PHLPP1: variants seen among roughly 807,000 people sequenced by gnomAD.
The protein encoded by PHLPP1 is PH domain leucine-rich repeat-containing protein phosphatase 1.
Under a neutral mutation model 117.2 loss-of-function variants are expected in PHLPP1, and 42 were observed. The observed-to-expected ratio is 0.36, with a 90% CI of 0.28 to 0.46. The LOEUF (loss-of-function observed/expected upper bound fraction) is 0.46, where lower values mean the gene tolerates loss of function less well. PHLPP1 is among the 20% of genes least tolerant of loss of function. The pLI is 1.00. For missense variants in PHLPP1, 2,084 were observed against 2,241.9 expected, an observed-to-expected ratio of 0.93 and a Z score of 1.42; for synonymous variants, 1,042 against 970.7, an observed-to-expected ratio of 1.07 and a Z score of -1.37.
chr18:62,893,533 A>G (rs1172926069), intron 4 of PHLPP1, among the ~76,000 whole-genome samples: 1 of 152,252 alleles, frequency 6.6e-6, no homozygotes, highest in Non-Finnish European at 1.5e-5. Context: ...TCAACCTGTC[A>G]AATAGGTACA....
intron 4 of PHLPP1, among the ~76,000 whole-genome samples, chr18:62,892,647 C>T (rs1411841957): frequency 4.6e-5 from 7 of 151,654 alleles, no homozygotes; most frequent in South Asian, 2.1e-4. Flanking sequence ...GAGGCTGAGG[C>T]GGGCGGATCA....
intron 1 of PHLPP1, among the ~76,000 whole-genome samples, chr18:62,823,265 A>G (rs1459889631): frequency 6.6e-6 from 1 of 152,168 alleles, no homozygotes; most frequent in African/African-American, 2.4e-5. Context: ...AATATTTGCA[A>G]GTCATATATT....
chr18:62,810,097 G>A (rs1271465000), intron 1 of PHLPP1, among the ~76,000 whole-genome samples: 1 of 152,168 alleles, frequency 6.6e-6, no homozygotes, highest in African/African-American at 2.4e-5. Context: ...GAGCTGAAGT[G>A]GTAACACTGG....
At chr18:62,894,137 TAAG>T (rs976227338) in intron 4 of PHLPP1, among the ~76,000 whole-genome samples, 11 of 152,186 alleles carry the variant, frequency 7.2e-5, no homozygotes, top group African/African-American at 2.7e-4. Flanking sequence ...TTAAGAGAGC[TAAG>T]AAGAAGGGTG....
chr18:62,892,079 T>C (rs997226757), intron 4 of PHLPP1, among the ~76,000 whole-genome samples: 4 of 123,248 alleles, frequency 3.2e-5, no homozygotes, highest in Non-Finnish European at 6.8e-5. Context: ...TCTTTCTTTC[T>C]TTCTTTTTTT....
intron 1 of PHLPP1, among the ~76,000 whole-genome samples, chr18:62,784,622 T>A (rs1477773705): frequency 6.6e-6 from 1 of 152,280 alleles, no homozygotes; most frequent in Admixed American, 6.5e-5. Context: ...TTATCACTAA[T>A]AAAACCTCAT....
chr18:62,860,982 A>G (rs1428639157), intron 4 of PHLPP1, among the ~76,000 whole-genome samples: 1 of 152,162 alleles, frequency 6.6e-6, no homozygotes, highest in African/African-American at 2.4e-5. Flanking sequence ...ATGAAAGGTC[A>G]TTTTTTCCCA....
chr18:62,868,760 T>C (rs1271102283), intron 4 of PHLPP1, among the ~76,000 whole-genome samples: 1 of 151,916 alleles, frequency 6.6e-6, no homozygotes, highest in Non-Finnish European at 1.5e-5. Flanking sequence ...ATCAGAAAAA[T>C]AATTGCAAAG....
At chr18:62,976,021 T>G (rs1911175833) in intron 16 of PHLPP1, among the ~76,000 whole-genome samples, 1 of 152,208 alleles carries the variant, frequency 6.6e-6, no homozygotes, top group Non-Finnish European at 1.5e-5. Flanking sequence ...GTGGGAATAA[T>G]CATGCATCTG....
intron 1 of PHLPP1, among the ~76,000 whole-genome samples, chr18:62,808,662 C>T: frequency 6.6e-6 from 1 of 151,916 alleles, no homozygotes; most frequent in Admixed American, 6.6e-5. Context: ...AGCGATTCTC[C>T]TGCCTCAGCC....
At chr18:62,720,341 A>C (rs1238878371) in intron 1 of PHLPP1, among the ~76,000 whole-genome samples, 1 of 152,164 alleles carries the variant, frequency 6.6e-6, no homozygotes, top group African/African-American at 2.4e-5. Context: ...CTTAGATCTG[A>C]GTAGTCTAGC....
At chr18:62,777,057 AT>A (rs1912981389) in intron 1 of PHLPP1, among the ~76,000 whole-genome samples, 1 of 152,148 alleles carries the variant, frequency 6.6e-6, no homozygotes, top group African/African-American at 2.4e-5. Flanking sequence ...ACATGTTTTC[AT>A]TTTTGGGGGG....
intron 15 of PHLPP1, among the ~76,000 whole-genome samples, chr18:62,973,226 A>T (rs1911100995): frequency 6.6e-6 from 1 of 152,232 alleles, no homozygotes; most frequent in Non-Finnish European, 1.5e-5. Context: ...CCTTTATTAA[A>T]TGTTCAAGAC....
At chr18:62,976,426 A>C (rs1911189152) in intron 16 of PHLPP1, among the ~76,000 whole-genome samples, 1 of 152,246 alleles carries the variant, frequency 6.6e-6, no homozygotes, top group South Asian at 2.1e-4. Flanking sequence ...CAATGCAAAC[A>C]AAAGCAGGGA....
chr18:62,825,681 T>A (rs1192997339), intron 1 of PHLPP1, among the ~76,000 whole-genome samples: 5 of 151,936 alleles, frequency 3.3e-5, no homozygotes, highest in African/African-American at 1.2e-4. Context: ...CTTGAACTCC[T>A]GAGCTCAAGC....
chr18:62,912,304 A>T (rs1204035667), intron 8 of PHLPP1, among the ~76,000 whole-genome samples: 1 of 44,398 alleles, frequency 2.3e-5, no homozygotes, highest in Non-Finnish European at 5.9e-5. Flanking sequence ...GAGTATAATA[A>T]AAAAAAAAAA....
chr18:62,915,538 C>G (rs1341574196), intron 9 of PHLPP1, among the ~76,000 whole-genome samples: 1 of 152,028 alleles, frequency 6.6e-6, no homozygotes, highest in African/African-American at 2.4e-5. Context: ...TAAATATGTT[C>G]TTATTTTTAT....
intron 10 of PHLPP1, among the ~76,000 whole-genome samples, chr18:62,935,732 C>G (rs1420162175): frequency 1.3e-5 from 2 of 152,132 alleles, no homozygotes; most frequent in African/African-American, 4.8e-5. Context: ...GGCCGGGTGC[C>G]ATGGCTCCTG....
chr18:62,951,856 C>A (rs1263588720), intron 12 of PHLPP1, among the ~76,000 whole-genome samples: 1 of 148,866 alleles, frequency 6.7e-6, no homozygotes, highest in African/African-American at 2.5e-5. Context: ...TTGCTGTCGC[C>A]CAGGCTCGAG....
Sources: gnomAD v4.1 joint callset for allele counts (sites outside exome capture counted in the v4.1 genomes callset) on GRCh38, gnomAD v4.1.1 for gene constraint, MANE v1.5 for transcripts, NCBI Gene and HGNC (gene_info 2026-07-23, HGNC 2026-07-21) for gene names.